Variants in HNRNPC observed in about 807,000 individuals in gnomAD.
The protein encoded by HNRNPC is heterogeneous nuclear ribonucleoprotein C, also known as heterogeneous nuclear ribonucleoproteins C1/C2.
Under a neutral mutation model 33.2 loss-of-function variants are expected in HNRNPC, and 3 were observed. The observed-to-expected ratio is 0.09, with a 90% CI of 0.04 to 0.23. The LOEUF (loss-of-function observed/expected upper bound fraction) is 0.23. Ranked by LOEUF, HNRNPC falls within the 10% of genes least tolerant of loss-of-function variation. The pLI is 1.00. For synonymous variants in HNRNPC, 121 were observed against 126.7 expected, an observed-to-expected ratio of 0.96 and a Z score of 0.30; for missense variants, 143 against 366.7, an observed-to-expected ratio of 0.39 and a Z score of 4.98.
intron 5 of HNRNPC, among the ~76,000 whole-genome samples, chr14:21,221,962 TGGTGTGAACTCAGGAGAC>T (rs1892870453): frequency 7.6e-6 from 1 of 131,086 alleles, no homozygotes; most frequent in African/African-American, 2.9e-5. Context: ...GGCAGGAGAA[TGGTGTGAACTCAGGAGAC>T]GGGGCTCTTG....
intron 3 of HNRNPC, among the ~76,000 whole-genome samples, chr14:21,233,556 G>A (rs1210289570): frequency 6.6e-6 from 1 of 152,122 alleles, no homozygotes; most frequent in African/African-American, 2.4e-5. Context: ...TAAAATACAA[G>A]AAAATCTAAC....
chr14:21,268,688 TG>T (rs1879428247), intron 1 of HNRNPC: 1 of 152,244 alleles, frequency 6.6e-6, no homozygotes, highest in Non-Finnish European at 1.5e-5. Context: ...AAAAGTCAGC[TG>T]TAAATATTAA....
chr14:21,234,949 A>AC (rs1242903826), intron 2 of HNRNPC: 2 of 148,496 alleles, frequency 1.3e-5, no homozygotes, highest in Non-Finnish European at 3.0e-5. Context: ...AAAATATAGG[A>AC]CATTTAATAA....
intron 5 of HNRNPC, among the ~76,000 whole-genome samples, chr14:21,219,570 C>G (rs1308793269): frequency 6.6e-6 from 1 of 152,198 alleles, no homozygotes; most frequent in Non-Finnish European, 1.5e-5. Context: ...CCTTTCTACT[C>G]TTTTGACATA....
intron 2 of HNRNPC, among the ~76,000 whole-genome samples, chr14:21,258,115 G>A (rs761609966): frequency 1.2e-4 from 19 of 152,062 alleles, no homozygotes; most frequent in African/African-American, 2.4e-4. Context: ...ATGCTCAGCC[G>A]GACACAGTGG....
chr14:21,251,202 A>G (rs1341778621), intron 2 of HNRNPC, among the ~76,000 whole-genome samples: 1 of 130,458 alleles, frequency 7.7e-6, no homozygotes, highest in Non-Finnish European at 1.6e-5. Context: ...CAGAGCTTGC[A>G]GTGAGCCGAG....
chr14:21,239,478 CA>C (rs920104242), intron 2 of HNRNPC, among the ~76,000 whole-genome samples: 6 of 147,072 alleles, frequency 4.1e-5, no homozygotes, highest in Non-Finnish European at 6.0e-5. Context: ...GATTCTACCT[CA>C]AAAAAAAAAT....
At chr14:21,244,317 A>G (rs1396942723) in intron 2 of HNRNPC, among the ~76,000 whole-genome samples, 1 of 152,236 alleles carries the variant, frequency 6.6e-6, no homozygotes, top group African/African-American at 2.4e-5. Context: ...CTCTCTATAA[A>G]GCACTTTTAT....
chr14:21,226,696 G>A lies in HNRNPC; in HGVS notation c.365+3623C>T, dbSNP rs555420454. Reference sequence around the variant, plus strand: ...AGAGGTCAAAACCGGCCTGGCCAACGTGGACAAACACTGTCTCTACTGAAA... The same window carrying A: ...AGAGGTCAAAACCGGCCTGGCCAACATGGACAAACACTGTCTCTACTGAAA... On this transcript the variant is annotated intron_variant, in intron 5 of 8. Coordinates refer to ENST00000553300, the MANE Select transcript of HNRNPC (RefSeq NM_004500.4). Among the ~76,000 whole-genome samples, 45 of 151,894 alleles carry A rather than the reference G, an allele frequency of 3.0e-4. 1 individual carries two copies. Among genetic ancestry groups the A allele is most frequent in the Non-Finnish European group, 5.6e-4 (38 of 67,988 alleles).
chr14:21,230,541 C>G (rs1893993885), intron 4 of HNRNPC, 175 bp from the exon 5 acceptor site: 8 of 557,764 alleles, frequency 1.4e-5, no homozygotes, highest in Non-Finnish European at 2.6e-5. Flanking sequence ...CCTTAGACCA[C>G]TGGAAATGTA....
intron 2 of HNRNPC, among the ~76,000 whole-genome samples, chr14:21,245,919 C>T (rs1895934323): frequency 6.6e-6 from 1 of 151,996 alleles, no homozygotes; most frequent in Non-Finnish European, 1.5e-5. Flanking sequence ...AGTCTCAGTT[C>T]ACTACAACCT....
intron 2 of HNRNPC, among the ~76,000 whole-genome samples, chr14:21,248,933 T>C (rs1014777014): frequency 1.3e-5 from 2 of 152,094 alleles, no homozygotes. Flanking sequence ...TGACAATGAG[T>C]ACAAATTATT....
At chr14:21,227,542 A>G (rs1566609601) in intron 5 of HNRNPC, among the ~76,000 whole-genome samples, 2 of 152,258 alleles carry the variant, frequency 1.3e-5, no homozygotes, top group African/African-American at 4.8e-5. Context: ...TTTACCGTTC[A>G]AAGAAATGTC....
Position 21,209,224 on chromosome 14 carries a change from C to CTA in HNRNPC, c.*1997_*1998dup, listed in dbSNP as rs548568914. 3.1e-4 allele frequency: 47 copies of CTA among 152,206 alleles called. 1 individual carries two copies. The highest frequency in any genetic ancestry group is 2.7e-3 in the Admixed American group (41 of 15,284). 9.4% of individuals were successfully genotyped at this position (152,206 alleles called of 1,614,324 possible). Reference sequence around the variant, plus strand: ...AATATGCATAGGTTACATATAAATACTATGCCATTTTATGTAAGGGACTTG... The same window carrying CTA: ...AATATGCATAGGTTACATATAAATACTATATGCCATTTTATGTAAGGGACTTG... On this transcript the variant is annotated 3_prime_UTR_variant, in exon 9 of 9. Transcript: ENST00000553300.
intron 5 of HNRNPC, among the ~76,000 whole-genome samples, chr14:21,214,949 G>A (rs958993142): frequency 6.6e-6 from 1 of 152,142 alleles, no homozygotes; most frequent in Admixed American, 6.5e-5. Flanking sequence ...TACCTCCTAA[G>A]CCACAAACCT....
At chr14:21,265,830 T>G (rs1158378677) in intron 1 of HNRNPC, among the ~76,000 whole-genome samples, 1 of 152,160 alleles carries the variant, frequency 6.6e-6, no homozygotes, top group Non-Finnish European at 1.5e-5. Flanking sequence ...AAAAAGTATC[T>G]CTAGGTTATT....
At chr14:21,235,672 T>G (rs1894624234) in intron 2 of HNRNPC, among the ~76,000 whole-genome samples, 1 of 152,130 alleles carries the variant, frequency 6.6e-6, no homozygotes, top group African/African-American at 2.4e-5. Flanking sequence ...TGCCAGAAAG[T>G]CTGAGGACAC....
intron 2 of HNRNPC, among the ~76,000 whole-genome samples, chr14:21,245,010 C>T (rs752105331): frequency 1.9e-4 from 28 of 144,924 alleles, no homozygotes; most frequent in Non-Finnish European, 3.3e-4. Context: ...GCTTCAATCC[C>T]GGAGGCAGAC....
intron 2 of HNRNPC, among the ~76,000 whole-genome samples, chr14:21,235,357 CG>C (rs1894581176): frequency 6.6e-6 from 1 of 152,006 alleles, no homozygotes; most frequent in Non-Finnish European, 1.5e-5. Flanking sequence ...CTAGTTCTCA[CG>C]GATGATGTAA....
Sources: gnomAD v4.1 joint callset for allele counts (sites outside exome capture counted in the v4.1 genomes callset) on GRCh38, gnomAD v4.1.1 for gene constraint, MANE v1.5 for transcripts, NCBI Gene and HGNC (gene_info 2026-07-23, HGNC 2026-07-21) for gene names.